Variants in OTOP1 observed in about 807,000 individuals in gnomAD.
OTOP1 encodes the protein otopetrin 1.
A neutral mutation model predicts 52.9 loss-of-function variants in OTOP1; 59 were observed. That is an observed-to-expected ratio of 1.12 (90% CI 0.91 to 1.39). The LOEUF (loss-of-function observed/expected upper bound fraction) is 1.39. Ranked by LOEUF, OTOP1 falls within the 40% of genes most tolerant of loss-of-function variation. The probability of loss-of-function intolerance (pLI) is 0.00; values close to 1 mark genes in which losing one functional copy is unlikely to be tolerated. For synonymous variants in OTOP1, 317 were observed against 337.7 expected (o/e 0.94, Z 0.67); for missense variants, 761 against 800.9 (o/e 0.95, Z 0.60).
chr4:4,219,907 A>G (rs962942626), intron 1 of OTOP1, among the ~76,000 whole-genome samples: 14 of 145,832 alleles, frequency 9.6e-5, no homozygotes, highest in South Asian at 4.2e-4. Flanking sequence ...ATACACATAT[A>G]TGTGTGTATA....
At chr4:4,221,426 T>TTAAAAA (rs1717299078) in intron 1 of OTOP1, among the ~76,000 whole-genome samples, 2 of 151,998 alleles carry the variant, frequency 1.3e-5, no homozygotes, top group East Asian at 1.9e-4. Flanking sequence ...CTGTCCTTAT[T>TTAAAAA]TAAAAATAAA....
At chr4:4,214,146 T>C (rs1362913160) in intron 1 of OTOP1, among the ~76,000 whole-genome samples, 2 of 152,038 alleles carry the variant, frequency 1.3e-5, no homozygotes, top group African/African-American at 2.4e-5. Context: ...GCAAAGGACA[T>C]GAATAAACAT....
intron 1 of OTOP1, among the ~76,000 whole-genome samples, chr4:4,220,671 A>G (rs1390072469): frequency 6.6e-6 from 1 of 152,220 alleles, no homozygotes; most frequent in Non-Finnish European, 1.5e-5. Context: ...GGATGTTATT[A>G]TCATCACTCA....
chr4:4,222,280 C>T (rs776930617), intron 1 of OTOP1, among the ~76,000 whole-genome samples: 1 of 152,120 alleles, frequency 6.6e-6, no homozygotes, highest in Non-Finnish European at 1.5e-5. Flanking sequence ...TGGTCTGAAA[C>T]TATCGGGAGA....
Position 4,226,764 on chromosome 4 carries a change from G to A in OTOP1, c.101C>T (p.Ser34Leu), listed in dbSNP as rs1349728322. The A allele has an allele frequency of 7.2e-7, 1 of 1,380,548 alleles. No homozygotes were observed. Among genetic ancestry groups the A allele is most frequent in the South Asian group, 1.7e-5 (1 of 60,272 alleles). 85.5% of individuals were successfully genotyped at this position (1,380,548 alleles called of 1,614,324 possible). The part of the protein sequence containing the change: ...GPAACSPPSS[S>L]APRSPESPAP... Reference sequence around the variant, plus strand: ...CGGGGATTCCGGGGACCTCGGGGCCGAGGACGAGGGAGGCGAGCAGGCCGC... The same window carrying A: ...CGGGGATTCCGGGGACCTCGGGGCCAAGGACGAGGGAGGCGAGCAGGCCGC... The change falls in exon 1 of 6, where the codon TCG (serine) becomes TTG (leucine). Residue 34 changes from serine to leucine, a missense_variant. By Grantham distance (145) the Ser-to-Leu change is moderately radical. Transcript: ENST00000296358.
intron 1 of OTOP1, among the ~76,000 whole-genome samples, chr4:4,220,103 A>ATTT (rs1463272602): frequency 2.1e-4 from 11 of 53,592 alleles, no homozygotes; most frequent in African/African-American, 5.6e-4. Context: ...ATATATATAT[A>ATTT]TATTTTTTTT....
intron 4 of OTOP1, among the ~76,000 whole-genome samples, chr4:4,199,026 A>G (rs1215209496): frequency 1.3e-5 from 2 of 152,132 alleles, no homozygotes; most frequent in African/African-American, 2.4e-5. Context: ...CCTCGTCTCT[A>G]TTAAAACTAC....
At chr4:4,217,225 TG>T (rs1416000573) in intron 1 of OTOP1, among the ~76,000 whole-genome samples, 1 of 152,226 alleles carries the variant, frequency 6.6e-6, no homozygotes, top group Non-Finnish European at 1.5e-5. Context: ...CTACTATGCA[TG>T]AGGCATTGTG....
intron 4 of OTOP1, among the ~76,000 whole-genome samples, chr4:4,198,343 AGAG>A (rs1376053845): frequency 2.0e-5 from 3 of 152,212 alleles, no homozygotes; most frequent in African/African-American, 7.2e-5. Context: ...CAAAGAGGAT[AGAG>A]AAGATGACTC....
chr4:4,220,392 C>A (rs1717274887), intron 1 of OTOP1, among the ~76,000 whole-genome samples: 1 of 151,984 alleles, frequency 6.6e-6, no homozygotes, highest in African/African-American at 2.4e-5. Flanking sequence ...ACAGAGTATA[C>A]AATGTTGGAT....
intron 2 of OTOP1, 55 bp from the exon 3 acceptor site, chr4:4,206,185 T>C: frequency 7.1e-7 from 1 of 1,399,462 alleles, no homozygotes; most frequent in Non-Finnish European, 1.0e-6. Flanking sequence ...ATCTTTACAC[T>C]TGCAAACTTG....
At chr4:4,199,074 AGCT>A (rs899410100) in intron 4 of OTOP1, among the ~76,000 whole-genome samples, 17 of 152,206 alleles carry the variant, frequency 1.1e-4, no homozygotes, top group Admixed American at 1.0e-3. Flanking sequence ...CTGTAATACC[AGCT>A]GCTTGGGAGG....
At chr4:4,203,612 A>G (rs1193022618) in intron 3 of OTOP1, among the ~76,000 whole-genome samples, 1 of 152,256 alleles carries the variant, frequency 6.6e-6, no homozygotes, top group Non-Finnish European at 1.5e-5. Flanking sequence ...CGGTCCCCAT[A>G]GGGTCACTGA....
chr4:4,220,080 C>CAT (rs757774792), intron 1 of OTOP1, among the ~76,000 whole-genome samples: 610 of 38,642 alleles, frequency 0.016, 3 homozygotes, highest in Non-Finnish European at 0.025. Context: ...TATATGTATA[C>CAT]ATATATATAT....
rs527463044 is a variant in OTOP1, at chr4:4,189,910, C to T, written c.1669-937G>A. Among the ~76,000 whole-genome samples, 83 of 152,332 alleles carry T rather than the reference C, an allele frequency of 5.4e-4. 3 individuals carry two copies. The South Asian group carries it at 0.016, about 30-fold the overall frequency. ...AGTCAAGCCTTGAAATGAATGCAGC[C>T]CCAGCCAACAGTTTCAGCCTGGGAA... On this transcript the variant is annotated intron_variant, in intron 5 of 5. Coordinates refer to ENST00000296358, the MANE Select transcript of OTOP1 (RefSeq NM_177998.3).
chr4:4,199,752 G>C (rs1351519875), intron 4 of OTOP1, among the ~76,000 whole-genome samples: 1 of 152,104 alleles, frequency 6.6e-6, no homozygotes, highest in Non-Finnish European at 1.5e-5. Flanking sequence ...CTCGTTTCAA[G>C]GAAAATGGAA....
chr4:4,197,441 T>C lies in OTOP1; in HGVS notation c.1393A>G (p.Thr465Ala). Residue 465 changes from threonine (T) to alanine (A), a missense_variant, in exon 5 of 6, where the codon ACA becomes GCA. Thr to Ala is a moderately conservative substitution (Grantham distance 58, BLOSUM62 0). This residue lies in a region of OTOP1 where 632 missense variants were observed against 619.5 expected (regional missense o/e 1.02). Coordinates refer to ENST00000296358, the MANE Select transcript of OTOP1 (RefSeq NM_177998.3). ...GGCATGGTGTTGCCATTGCAGACTG[T>C]GACCACCCGAAGGGTTTGGATGTCC... is the stretch of plus-strand genomic sequence containing the variant. ...SEDIQTLRVV[T>A]VCNGNTMPLA... 1 of 1,613,966 alleles carries C rather than the reference T, an allele frequency of 6.2e-7. No individual in the cohort carries two copies. Among genetic ancestry groups the C allele is most frequent in the Non-Finnish European group, 8.5e-7 (1 of 1,179,998 alleles).
chr4:4,221,262 A>G (rs1274673742), intron 1 of OTOP1, among the ~76,000 whole-genome samples: 1 of 151,586 alleles, frequency 6.6e-6, no homozygotes, highest in Non-Finnish European at 1.5e-5. Flanking sequence ...ACAAAAATCA[A>G]TTTTAAGAAA....
intron 1 of OTOP1, among the ~76,000 whole-genome samples, chr4:4,216,193 C>A (rs73079930): frequency 0.048 from 7,270 of 152,158 alleles, 455 homozygotes; most frequent in African/African-American, 0.14. Context: ...AGGAAGCAAT[C>A]TTTGATAATA....
Sources: gnomAD v4.1 joint callset for allele counts (sites outside exome capture counted in the v4.1 genomes callset) on GRCh38, gnomAD v4.1.1 for gene constraint, gnomAD v4.1.1 regional missense constraint, MANE v1.5 for transcripts, NCBI Gene and HGNC (gene_info 2026-07-23, HGNC 2026-07-21) for gene names.